MACROD2: variants seen among roughly 807,000 people sequenced by gnomAD.
MACROD2 encodes the protein mono-ADP ribosylhydrolase 2.
In MACROD2, 36 loss-of-function variants were observed where a neutral mutation model predicts 70.4. That is an observed-to-expected ratio of 0.51 (90% CI 0.39 to 0.68). The LOEUF is 0.68. MACROD2 is among the 30% of genes least tolerant of loss of function. The pLI, the probability that MACROD2 is intolerant of heterozygous loss-of-function variation, is 0.00. For missense variants in MACROD2, 496 were observed against 538.4 expected (o/e 0.92, Z 0.78); for synonymous variants, 172 against 178.8 (o/e 0.96, Z 0.30).
At position 15,344,908 on chromosome 20, in the gene MACROD2, C is replaced by T. The variant is rs576757383; in HGVS notation, c.541-86497C>T. Among the ~76,000 whole-genome samples the T allele has an allele frequency of 3.3e-5, 5 of 152,294 alleles. 1 individual carries two copies. In the South Asian group the frequency reaches 1.0e-3, roughly 32 times the overall value. ...TGGTCAGGCTGCTGTAACAAACTACCATGAACTGAGTGGCTTATGAACAAC... is the reference window on the plus strand; with the variant it reads ...TGGTCAGGCTGCTGTAACAAACTACTATGAACTGAGTGGCTTATGAACAAC... On this transcript the variant is annotated intron_variant, in intron 6 of 17. Transcript: ENST00000684519.
chr20:15,741,594 A>C (rs1272359276), intron 8 of MACROD2, among the ~76,000 whole-genome samples: 2 of 152,072 alleles, frequency 1.3e-5, no homozygotes, highest in East Asian at 3.9e-4. Context: ...TGTTCAGATG[A>C]CACATTTTAA....
chr20:14,409,107 C>G (rs1404052393), intron 3 of MACROD2, among the ~76,000 whole-genome samples: 1 of 149,538 alleles, frequency 6.7e-6, no homozygotes, highest in African/African-American at 2.5e-5. Flanking sequence ...CTGTCTTTGC[C>G]TGGGCTTGCT....
At chr20:14,434,666 A>G (rs1388103650) in intron 3 of MACROD2, among the ~76,000 whole-genome samples, 1 of 152,140 alleles carries the variant, frequency 6.6e-6, no homozygotes. Flanking sequence ...CATCCCATCA[A>G]TATACAAACA....
intron 6 of MACROD2, among the ~76,000 whole-genome samples, chr20:15,331,496 C>T (rs2077992081): frequency 6.6e-6 from 1 of 151,376 alleles, no homozygotes; most frequent in Non-Finnish European, 1.5e-5. Flanking sequence ...AATTAGTTAA[C>T]TTCAAAGAGA....
chr20:15,803,367 G>A (rs901439969), intron 8 of MACROD2, among the ~76,000 whole-genome samples: 1 of 152,092 alleles, frequency 6.6e-6, no homozygotes, highest in African/African-American at 2.4e-5. Context: ...CTACCCTAGT[G>A]TAGGATTTTA....
rs59457302 is a variant in MACROD2 at position 14,411,084 on chromosome 20, T to A, written c.272-82395T>A. On this transcript the variant is annotated intron_variant, in intron 3 of 17. Coordinates refer to ENST00000684519, the MANE Select transcript of MACROD2 (RefSeq NM_001351661.2). Reference sequence around the variant, plus strand: ...TTGAGAGAGTGTATTGATCTTAAAGTGTTTGCTGATGACAGCATAGCTGGC... The same window carrying A: ...TTGAGAGAGTGTATTGATCTTAAAGAGTTTGCTGATGACAGCATAGCTGGC... 7.6e-3 allele frequency among the ~76,000 whole-genome samples: 1,163 copies of A among 152,256 alleles called. 20 individuals carry two copies. Among genetic ancestry groups the A allele is most frequent in the African/African-American group, 0.027 (1,109 of 41,536 alleles).
intron 6 of MACROD2, among the ~76,000 whole-genome samples, chr20:15,325,962 G>A (rs1217015864): frequency 6.6e-6 from 1 of 151,986 alleles, no homozygotes; most frequent in African/African-American, 2.4e-5. Context: ...ATCACCTTCA[G>A]GTCCAAACTG....
At chr20:15,091,472 A>G (rs1452918665) in intron 5 of MACROD2, among the ~76,000 whole-genome samples, 1 of 152,060 alleles carries the variant, frequency 6.6e-6, no homozygotes, top group Non-Finnish European at 1.5e-5. Flanking sequence ...TTTAGGAAAC[A>G]TTGTTATTTA....
At chr20:14,436,494 T>C (rs1435094521) in intron 3 of MACROD2, among the ~76,000 whole-genome samples, 1 of 152,212 alleles carries the variant, frequency 6.6e-6, no homozygotes, top group Non-Finnish European at 1.5e-5. Context: ...ACTATATGCC[T>C]AGGCACTTCA....
At chr20:14,943,656 A>G (rs1480447414) in intron 5 of MACROD2, among the ~76,000 whole-genome samples, 1 of 152,188 alleles carries the variant, frequency 6.6e-6, no homozygotes, top group African/African-American at 2.4e-5. Flanking sequence ...TGTTAGGACC[A>G]TCTTCTTATA....
chr20:15,149,464 G>C (rs911924257), intron 5 of MACROD2, among the ~76,000 whole-genome samples: 5 of 137,188 alleles, frequency 3.6e-5, no homozygotes, highest in Admixed American at 7.5e-5. Flanking sequence ...ATAGGGGTCA[G>C]GTGTGGTATC....
intron 5 of MACROD2, among the ~76,000 whole-genome samples, chr20:14,844,606 CCTT>C (rs2073120720): frequency 6.6e-6 from 1 of 152,068 alleles, no homozygotes; most frequent in African/African-American, 2.4e-5. Context: ...CCTAAATACT[CCTT>C]CTTGTTTTCT....
chr20:14,235,526 C>G (rs1156624300), intron 3 of MACROD2, among the ~76,000 whole-genome samples: 1 of 152,124 alleles, frequency 6.6e-6, no homozygotes, highest in Non-Finnish European at 1.5e-5. Flanking sequence ...TAACATGACT[C>G]ATTTTTTGCC....
intron 9 of MACROD2, among the ~76,000 whole-genome samples, chr20:15,874,991 T>G (rs1250419957): frequency 2.0e-5 from 3 of 152,084 alleles, no homozygotes; most frequent in Non-Finnish European, 2.9e-5. Context: ...TGTGGAAGAA[T>G]GTTCAGAGAA....
chr20:15,784,438 C>A (rs756146607), intron 8 of MACROD2, among the ~76,000 whole-genome samples: 2 of 152,110 alleles, frequency 1.3e-5, no homozygotes, highest in Non-Finnish European at 2.9e-5. Flanking sequence ...ATTTATGCAT[C>A]TGGTCATTAA....
chr20:15,151,139 T>C (rs2076266468), intron 5 of MACROD2, among the ~76,000 whole-genome samples: 1 of 152,040 alleles, frequency 6.6e-6, no homozygotes, highest in Non-Finnish European at 1.5e-5. Flanking sequence ...TCAGAGAGCC[T>C]TGGGCCAGAG....
intron 8 of MACROD2, among the ~76,000 whole-genome samples, chr20:15,510,027 A>G (rs2047477754): frequency 6.6e-6 from 1 of 152,200 alleles, no homozygotes; most frequent in Non-Finnish European, 1.5e-5. Context: ...CAACCCCCAT[A>G]TGGGTGTATC....
intron 5 of MACROD2, among the ~76,000 whole-genome samples, chr20:14,718,955 C>T (rs1485023054): frequency 6.6e-6 from 1 of 152,026 alleles, no homozygotes; most frequent in Non-Finnish European, 1.5e-5. Context: ...TATAGTCAGC[C>T]GGGTGTGGTG....
chr20:15,577,783 C>T (rs532135409), intron 8 of MACROD2, among the ~76,000 whole-genome samples: 1 of 152,240 alleles, frequency 6.6e-6, no homozygotes, highest in Admixed American at 6.5e-5. Context: ...ACATGTGCTT[C>T]CCTCATTGTT....
Sources: allele counts gnomAD v4.1 joint callset (sites outside exome capture counted in the v4.1 genomes callset), GRCh38; gene constraint gnomAD v4.1.1; transcripts MANE v1.5; gene names NCBI Gene and HGNC (gene_info 2026-07-23, HGNC 2026-07-21).